The following CDH6 variants were observed in gnomAD, a reference collection of about 807,000 sequenced individuals.
CDH6 encodes the protein cadherin-6.
A neutral mutation model predicts 78.0 loss-of-function variants in CDH6; 31 were observed. That is an observed-to-expected ratio of 0.40 (90% CI 0.30 to 0.54). The LOEUF is 0.54. CDH6 is among the 20% of genes least tolerant of loss of function. The pLI is 0.56. For missense variants in CDH6, 724 were observed against 975.9 expected, an observed-to-expected ratio of 0.74 and a Z score of 3.44; for synonymous variants, 376 against 368.8, an observed-to-expected ratio of 1.02 and a Z score of -0.23.
At position 31,313,435 on chromosome 5, in the gene CDH6, A is replaced by T. The variant is rs776298187; in HGVS notation, c.1371A>T (p.Thr457=). 1.9e-5 allele frequency: 30 copies of T among 1,613,918 alleles called. No individual in the cohort carries two copies. The highest frequency in any genetic ancestry group is 2.5e-5 in the Non-Finnish European group (29 of 1,179,938). ...DRETLLWHNI[T]VIATEINNPK... ...AAACACTGCTATGGCACAACATTAC[A>T]GTGATAGCAACAGAGATCAGTAAGT... Residue 457 remains threonine (T), a synonymous_variant, in exon 8 of 12, where the codon ACA becomes ACT. Transcript: ENST00000265071.
At position 31,327,198 on chromosome 5, in the gene CDH6, T is replaced by C. The variant is rs1055945450; in HGVS notation, c.*3890T>C. The C allele has an allele frequency of 2.7e-5, 5 of 186,224 alleles. No individual in the cohort carries two copies. The East Asian group carries it at 4.3e-4, about 16-fold the overall frequency. 11.5% of individuals were successfully genotyped at this position (186,224 alleles called of 1,614,324 possible). ...AAACTATGACTTGGACAATTCTATA[T>C]ACTCAAGCACCATAAAAAGTATGCA... On this transcript the variant is annotated 3_prime_UTR_variant, in exon 12 of 12. Transcript: ENST00000265071.
intron 1 of CDH6, among the ~76,000 whole-genome samples, chr5:31,235,039 T>TGATGGTTCAATAACCATC (rs1355317132): frequency 6.6e-6 from 1 of 152,130 alleles, no homozygotes; most frequent in Non-Finnish European, 1.5e-5. Flanking sequence ...TATCATCAAT[T>TGATGGTTCAATAACCATC]AATAGATGGT....
rs1169361303 is a variant in CDH6, at chr5:31,302,271, C to T, written c.972C>T (p.Thr324=). ...TTGATGTCATCACCGACCAGGAAAC[C>T]CAGGAAGGGATTATAACTGTCAAAA... ...DMFDVITDQE[T]QEGIITVKKL... The change falls in exon 6 of 12, where the codon ACC becomes ACT. Residue 324 remains threonine (T), a synonymous_variant. Coordinates refer to ENST00000265071, the MANE Select transcript of CDH6 (RefSeq NM_004932.4). The T allele has an allele frequency of 1.2e-6, 2 of 1,613,248 alleles. No individual in the cohort carries two copies. The highest frequency in any genetic ancestry group is 1.3e-5 in the African/African-American group (1 of 74,890).
At position 31,323,431 on chromosome 5, in the gene CDH6, G is replaced by A; in HGVS notation, c.*123G>A. Reference sequence around the variant, plus strand: ...CCCGTTCCAAAAGCCAATGGCTGCAGTCCGTGTGGATCCAATGTTAGAGAC... The same window carrying A: ...CCCGTTCCAAAAGCCAATGGCTGCAATCCGTGTGGATCCAATGTTAGAGAC... On this transcript the variant is annotated 3_prime_UTR_variant, in exon 12 of 12. Coordinates refer to ENST00000265071, the MANE Select transcript of CDH6 (RefSeq NM_004932.4). The A allele has an allele frequency of 8.9e-7, 1 of 1,120,368 alleles. No individual in the cohort carries two copies. The highest frequency in any genetic ancestry group is 1.3e-6 in the Non-Finnish European group (1 of 787,196). 69.4% of individuals were successfully genotyped at this position (1,120,368 alleles called of 1,614,324 possible). A position where few individuals can be genotyped will look rare whatever the true frequency, so the allele number is the denominator to read the frequency against.
chr5:31,213,760 G>T (rs1740784804), intron 1 of CDH6, among the ~76,000 whole-genome samples: 1 of 152,074 alleles, frequency 6.6e-6, no homozygotes, highest in Non-Finnish European at 1.5e-5. Flanking sequence ...ATAGCACATT[G>T]CCCTCTTCCC....
chr5:31,202,171 CTG>C (rs1740369425), intron 1 of CDH6, among the ~76,000 whole-genome samples: 1 of 152,048 alleles, frequency 6.6e-6, no homozygotes, highest in Admixed American at 6.6e-5. Flanking sequence ...ACATGTTGGT[CTG>C]TGTTTTGAGA....
intron 2 of CDH6, among the ~76,000 whole-genome samples, chr5:31,285,552 T>C (rs960227512): frequency 6.6e-6 from 1 of 152,256 alleles, no homozygotes; most frequent in Non-Finnish European, 1.5e-5. Flanking sequence ...CTTTTATTCA[T>C]TGCTTTATGC....
intron 2 of CDH6, among the ~76,000 whole-genome samples, chr5:31,282,804 G>T (rs181016894): frequency 2.1e-4 from 32 of 152,228 alleles, no homozygotes; most frequent in Admixed American, 2.0e-3. Context: ...AACTTCTTTT[G>T]CTTTTAGCAC....
intron 1 of CDH6, among the ~76,000 whole-genome samples, chr5:31,231,198 A>G (rs1308801122): frequency 1.3e-5 from 2 of 152,218 alleles, no homozygotes; most frequent in Non-Finnish European, 2.9e-5. Context: ...AATTAAAATT[A>G]AATTATGTGC....
At chr5:31,199,175 AG>A (rs1281265048) in intron 1 of CDH6, among the ~76,000 whole-genome samples, 1 of 151,944 alleles carries the variant, frequency 6.6e-6, no homozygotes, top group Non-Finnish European at 1.5e-5. Context: ...CAGAGCTACA[AG>A]ACAGCAACCC....
chr5:31,284,717 C>T (rs147179156), intron 2 of CDH6, among the ~76,000 whole-genome samples: 2 of 152,338 alleles, frequency 1.3e-5, no homozygotes, highest in East Asian at 3.9e-4. Flanking sequence ...ACCTTGATCA[C>T]TGGAGAGCAA....
chr5:31,315,751 C>T (rs770455540), intron 8 of CDH6, among the ~76,000 whole-genome samples: 6 of 152,176 alleles, frequency 3.9e-5, no homozygotes, highest in Non-Finnish European at 7.3e-5. Context: ...AATTAAATAA[C>T]GTAATACAGC....
chr5:31,194,720 C>T (rs1259432616), intron 1 of CDH6, among the ~76,000 whole-genome samples: 2 of 152,052 alleles, frequency 1.3e-5, no homozygotes, highest in African/African-American at 2.4e-5. Flanking sequence ...GGTTGGAGTG[C>T]GCTTGGTTTT....
At chr5:31,242,705 G>GGC (rs1238123509) in intron 1 of CDH6, among the ~76,000 whole-genome samples, 1 of 132,970 alleles carries the variant, frequency 7.5e-6, no homozygotes, top group African/African-American at 2.5e-5. Flanking sequence ...TAAGAATGGG[G>GGC]GGGGGCGGTT....
chr5:31,240,427 A>G (rs1473976197), intron 1 of CDH6, among the ~76,000 whole-genome samples: 2 of 152,146 alleles, frequency 1.3e-5, no homozygotes, highest in Non-Finnish European at 2.9e-5. Context: ...TTCCACCAAC[A>G]TTAGTACTCT....
intron 1 of CDH6, among the ~76,000 whole-genome samples, chr5:31,223,025 A>C: frequency 6.7e-6 from 1 of 149,374 alleles, no homozygotes; most frequent in Non-Finnish European, 1.5e-5. Context: ...CCTCTCTCTT[A>C]CTCTTTCTCT....
chr5:31,305,129 G>A, intron 6 of CDH6, 45 bp from the exon 7 acceptor site: 1 of 1,571,162 alleles, frequency 6.4e-7, no homozygotes, highest in Non-Finnish European at 8.6e-7. Context: ...TCTGTGTCTT[G>A]GCTGCTTTAA....
intron 1 of CDH6, chr5:31,251,347 C>A (rs1347210508): frequency 6.6e-6 from 1 of 152,350 alleles, no homozygotes; most frequent in Non-Finnish European, 1.5e-5. Context: ...GCAAACATCA[C>A]CTACTCCCTG....
intron 7 of CDH6, among the ~76,000 whole-genome samples, chr5:31,310,812 C>A (rs1035588345): frequency 6.6e-6 from 1 of 152,222 alleles, no homozygotes; most frequent in South Asian, 2.1e-4. Flanking sequence ...AGCCACAGCT[C>A]GGGCTGGAGT....
Sources: gnomAD v4.1 joint callset for allele counts (sites outside exome capture counted in the v4.1 genomes callset) on GRCh38, gnomAD v4.1.1 for gene constraint, MANE v1.5 for transcripts, NCBI Gene and HGNC (gene_info 2026-07-23, HGNC 2026-07-21) for gene names.